GAL3ST1: variants seen among roughly 807,000 people sequenced by gnomAD.
GAL3ST1 encodes galactose-3-O-sulfotransferase 1, also known as galactosylceramide sulfotransferase.
In GAL3ST1, 13 loss-of-function variants were observed where a neutral mutation model predicts 25.0. The observed-to-expected ratio is 0.52, with a 90% CI of 0.34 to 0.83. GAL3ST1 has a LOEUF of 0.83. GAL3ST1 is among the 40% of genes least tolerant of loss of function. The pLI is 0.02. For missense variants in GAL3ST1, 474 were observed against 613.6 expected (o/e 0.77, Z 2.40); for synonymous variants, 274 against 277.8 (o/e 0.99, Z 0.14).
rs1212750004 is a variant in GAL3ST1 at position 30,555,858 on chromosome 22, G to A, written c.367C>T (p.Arg123Cys). 1.2e-6 allele frequency: 2 copies of A among 1,614,058 alleles called. No homozygotes were observed. The highest frequency in any genetic ancestry group is 1.7e-6 in the Non-Finnish European group (2 of 1,180,030). ...NDFDYPTFFA[R>C]SLVQDYRPGA... Reference sequence around the variant, plus strand: ...GGCCGATAGTCCTGCACCAGGCTGCGGGCGAAGAAGGTCGGGTAGTCGAAG... The same window carrying A: ...GGCCGATAGTCCTGCACCAGGCTGCAGGCGAAGAAGGTCGGGTAGTCGAAG... The change falls in exon 4 of 4, where the codon CGC becomes TGC. Residue 123 changes from arginine (R) to cysteine (C), a missense_variant. By Grantham distance (180) the Arg-to-Cys change is radical. Transcript: ENST00000406361. This position sits in a 1 kb window ranked among gnomAD's most constrained non-coding sequence, Gnocchi z 8.6.
intron 1 of GAL3ST1, among the ~76,000 whole-genome samples, chr22:30,572,335 A>C (rs1210328984): frequency 6.6e-6 from 1 of 152,190 alleles, no homozygotes; most frequent in Non-Finnish European, 1.5e-5. Context: ...GGAGATACAT[A>C]CACCCACCTC....
intron 1 of GAL3ST1, among the ~76,000 whole-genome samples, chr22:30,569,272 C>T (rs541348485): frequency 1.3e-4 from 19 of 151,988 alleles, no homozygotes; most frequent in African/African-American, 4.3e-4. Flanking sequence ...AGGAGCAGGC[C>T]GACCTCCATA....
intron 1 of GAL3ST1, among the ~76,000 whole-genome samples, chr22:30,569,563 T>C (rs956465825): frequency 6.7e-6 from 1 of 148,202 alleles, no homozygotes; most frequent in Non-Finnish European, 1.5e-5. Context: ...ATAGAATGCC[T>C]GAAGAGCAGT....
chr22:30,559,604 A>T (rs1187218795), intron 1 of GAL3ST1, among the ~76,000 whole-genome samples: 2 of 151,602 alleles, frequency 1.3e-5, no homozygotes, highest in African/African-American at 4.9e-5. Flanking sequence ...CTGGTATTGA[A>T]CTCCTGGACT....
intron 3 of GAL3ST1, among the ~76,000 whole-genome samples, chr22:30,556,954 C>T (rs2267160): frequency 0.54 from 81,528 of 152,016 alleles, 22,004 homozygotes; most frequent in Middle Eastern, 0.59. Flanking sequence ...AGGCTGGTCT[C>T]GAACTCCTGA....
intron 1 of GAL3ST1, among the ~76,000 whole-genome samples, chr22:30,569,978 G>A (rs944821419): frequency 1.3e-5 from 2 of 152,134 alleles, no homozygotes; most frequent in Admixed American, 6.5e-5. Context: ...AGCTACTCAG[G>A]AGGCTGAGGC....
chr22:30,572,416 A>G (rs2086811050), intron 1 of GAL3ST1, among the ~76,000 whole-genome samples: 2 of 152,198 alleles, frequency 1.3e-5, no homozygotes, highest in African/African-American at 4.8e-5. Flanking sequence ...ACCTTGGGCA[A>G]GTGACTTCCC....
At chr22:30,569,634 G>A (rs1207026599) in intron 1 of GAL3ST1, among the ~76,000 whole-genome samples, 1 of 152,094 alleles carries the variant, frequency 6.6e-6, no homozygotes, top group Non-Finnish European at 1.5e-5. Context: ...GGGCACCAAA[G>A]TGGGAATTGA....
chr22:30,561,946 A>AGG (rs2086433557), intron 1 of GAL3ST1, among the ~76,000 whole-genome samples: 1 of 152,204 alleles, frequency 6.6e-6, no homozygotes, highest in Non-Finnish European at 1.5e-5. Flanking sequence ...CAAGGCACAC[A>AGG]GAGCGCTCTG....
intron 1 of GAL3ST1, among the ~76,000 whole-genome samples, chr22:30,563,916 A>T (rs1341959006): frequency 5.2e-5 from 1 of 19,138 alleles, no homozygotes; most frequent in Non-Finnish European, 1.1e-4. Context: ...ACCCCGTCTC[A>T]AAAAAAAAAA....
chr22:30,556,294 G>T (rs2086023373), intron 3 of GAL3ST1, among the ~76,000 whole-genome samples: 1 of 152,136 alleles, frequency 6.6e-6, no homozygotes. Context: ...GTGAAATGGG[G>T]ACGATAACAG....
chr22:30,573,473 G>A (rs2086833416), intron 1 of GAL3ST1, among the ~76,000 whole-genome samples: 1 of 152,226 alleles, frequency 6.6e-6, no homozygotes, highest in African/African-American at 2.4e-5. Flanking sequence ...GACTGCTCTG[G>A]TCCAGGACTG....
chr22:30,573,897 A>G (rs750206041), intron 1 of GAL3ST1, among the ~76,000 whole-genome samples: 6 of 152,174 alleles, frequency 3.9e-5, no homozygotes, highest in Non-Finnish European at 8.8e-5. Flanking sequence ...AGGATTTCCT[A>G]TAGGACCCCT....
At chr22:30,561,422 T>C (rs1297972339) in intron 1 of GAL3ST1, among the ~76,000 whole-genome samples, 4 of 152,072 alleles carry the variant, frequency 2.6e-5, no homozygotes, top group East Asian at 1.9e-4. Context: ...AACCACTCAG[T>C]GGATACCACT....
intron 1 of GAL3ST1, among the ~76,000 whole-genome samples, chr22:30,571,893 AT>A (rs2086796601): frequency 1.3e-5 from 2 of 152,206 alleles, no homozygotes; most frequent in Admixed American, 1.3e-4. Flanking sequence ...AAGGGCATCC[AT>A]GCCTGTGACC....
chr22:30,562,201 A>G (rs2086450557), intron 1 of GAL3ST1, among the ~76,000 whole-genome samples: 1 of 152,104 alleles, frequency 6.6e-6, no homozygotes, highest in Non-Finnish European at 1.5e-5. Flanking sequence ...ACAGGCATGC[A>G]CCACCATGCC....
chr22:30,562,446 G>A (rs1372046248), intron 1 of GAL3ST1, among the ~76,000 whole-genome samples: 4 of 152,178 alleles, frequency 2.6e-5, no homozygotes, highest in Non-Finnish European at 5.9e-5. Flanking sequence ...AAAGTGCTGG[G>A]TGTAAGCCAC....
Position 30,555,624 on chromosome 22 carries a change from C to G in GAL3ST1, c.601G>C (p.Asp201His), listed in dbSNP as rs1177296705. Residue 201 changes from aspartate (D) to histidine (H), a missense_variant, in exon 4 of 4, where the codon GAT becomes CAT. By Grantham distance (81) the Asp-to-His change is moderately conservative. Around this residue, in one of 2 missense-constraint regions of GAL3ST1, gnomAD observed 359 missense variants for 504.4 expected, o/e 0.71. Coordinates refer to ENST00000406361, the MANE Select transcript of GAL3ST1 (RefSeq NM_001318104.2). This position sits in a 1 kb window ranked among gnomAD's most constrained non-coding sequence, Gnocchi z 8.6. ...AAGCCGTTGGGGTCGTAGTAGCGAT[C>G]CGGGTCTTGCAGGAACTCGGTCAGC... is the stretch of plus-strand genomic sequence containing the variant. ...DKLTEFLQDPDRYYDPNGFNA... is the reference protein window; with the variant it reads ...DKLTEFLQDPHRYYDPNGFNA... 3 of 1,613,642 alleles carry G rather than the reference C, an allele frequency of 1.9e-6. No homozygotes were observed. The highest frequency in any genetic ancestry group is 2.2e-5 in the South Asian group (2 of 91,084).
intron 1 of GAL3ST1, among the ~76,000 whole-genome samples, chr22:30,559,663 T>C (rs1353148583): frequency 1.3e-5 from 2 of 152,234 alleles, no homozygotes; most frequent in African/African-American, 4.8e-5. Context: ...ATTATAGGCA[T>C]GAGCCACTGT....
Sources: gnomAD v4.1 joint callset for allele counts (sites outside exome capture counted in the v4.1 genomes callset) on GRCh38, gnomAD v4.1.1 for gene constraint, gnomAD v4.1.1 regional missense constraint, Gnocchi (gnomAD v3.1) non-coding constraint, MANE v1.5 for transcripts, NCBI Gene and HGNC (gene_info 2026-07-23, HGNC 2026-07-21) for gene names.